The following KPNA5 variants were observed in gnomAD, a reference collection of about 807,000 sequenced individuals.
KPNA5 encodes importin subunit alpha-6.
In KPNA5, 46 loss-of-function variants were observed where a neutral mutation model predicts 71.3. That is an observed-to-expected ratio of 0.65 (90% CI 0.51 to 0.83). KPNA5 has a LOEUF of 0.83. Among genes scored for constraint, KPNA5 ranks in the 40% least tolerant of loss-of-function variants. The pLI, the probability that KPNA5 is intolerant of heterozygous loss-of-function variation, is 0.00. For synonymous variants in KPNA5, 207 were observed against 201.4 expected (o/e 1.03, Z -0.24); for missense variants, 547 against 628.3 (o/e 0.87, Z 1.38).
intron 13 of KPNA5, 90 bp downstream of exon 13, chr6:116,729,831 A>T (rs1779419892): frequency 2.6e-6 from 2 of 782,520 alleles, no homozygotes; most frequent in Non-Finnish European, 3.7e-6. Flanking sequence ...TTTTTGTTGT[A>T]AAAGCAGTAT....
intron 7 of KPNA5, among the ~76,000 whole-genome samples, chr6:116,711,506 T>C (rs1413142786): frequency 6.6e-6 from 1 of 151,300 alleles, no homozygotes; most frequent in African/African-American, 2.4e-5. Context: ...GGTGTGTTTT[T>C]TTTTTTATTT....
intron 7 of KPNA5, among the ~76,000 whole-genome samples, chr6:116,713,734 T>A (rs1035634000): frequency 6.6e-6 from 1 of 152,194 alleles, no homozygotes; most frequent in Non-Finnish European, 1.5e-5. Context: ...TTCTTTTTCT[T>A]TCTGCTTCTC....
intron 10 of KPNA5, among the ~76,000 whole-genome samples, chr6:116,724,972 T>C (rs1439496317): frequency 6.6e-6 from 1 of 152,216 alleles, no homozygotes; most frequent in East Asian, 1.9e-4. Context: ...CTCCTTTGTT[T>C]ACCGCCTTAC....
intron 13 of KPNA5, among the ~76,000 whole-genome samples, 172 bp from the exon 14 acceptor site, chr6:116,731,964 C>T (rs918926228): frequency 2.7e-5 from 4 of 150,646 alleles, no homozygotes; most frequent in Non-Finnish European, 5.9e-5. Flanking sequence ...TGATGGCTAT[C>T]GGTATGTGCA....
chr6:116,722,877 G>A (rs112631466), intron 9 of KPNA5, among the ~76,000 whole-genome samples: 68 of 152,294 alleles, frequency 4.5e-4, no homozygotes, highest in African/African-American at 1.5e-3. Flanking sequence ...TTTAAAAAAT[G>A]TATTATCTTC....
chr6:116,703,280 G>A (rs1049100825), intron 6 of KPNA5, among the ~76,000 whole-genome samples: 1 of 120,338 alleles, frequency 8.3e-6, no homozygotes, highest in African/African-American at 3.1e-5. Flanking sequence ...TTTTTTTTTT[G>A]AGATGAAGTC....
intron 4 of KPNA5, among the ~76,000 whole-genome samples, chr6:116,694,076 G>A (rs1399169114): frequency 6.6e-6 from 1 of 152,064 alleles, no homozygotes; most frequent in African/African-American, 2.4e-5. Context: ...TGAGGGCTCT[G>A]TTCTGTTCCA....
At chr6:116,710,873 T>TATATATATATATATATATA (rs1554256692) in intron 7 of KPNA5, among the ~76,000 whole-genome samples, 2 of 84,882 alleles carry the variant, frequency 2.4e-5, no homozygotes, top group Non-Finnish European at 4.5e-5. Context: ...TAATATTATT[T>TATATATATATATATATATA]TATATATATA....
intron 6 of KPNA5, among the ~76,000 whole-genome samples, chr6:116,704,538 A>G (rs1583419934): frequency 6.6e-6 from 1 of 152,246 alleles, no homozygotes; most frequent in Admixed American, 6.5e-5. Context: ...GTAAATTCAT[A>G]GTAAACTATG....
Position 116,702,556 on chromosome 6 carries a change from C to T in KPNA5, c.567+406C>T, listed in dbSNP as rs988846226. 1.5e-3 allele frequency among the ~76,000 whole-genome samples: 228 copies of T among 152,194 alleles called. 1 individual carries two copies. The highest frequency in any genetic ancestry group is 4.1e-4 in the Non-Finnish European group (28 of 68,018). ...AAATTAGCCAGGCGTGGTGCCACAG[C>T]TCCTCAAGAAGCTGAGGCACAAGAA... On this transcript the variant is annotated intron_variant, in intron 6 of 13. Transcript: ENST00000368564.
intron 6 of KPNA5, among the ~76,000 whole-genome samples, 184 bp downstream of exon 6, chr6:116,702,334 G>T (rs1422350682): frequency 6.6e-6 from 1 of 152,102 alleles, no homozygotes; most frequent in Non-Finnish European, 1.5e-5. Context: ...ATAATCCTGG[G>T]TTCTCTGTGA....
At chr6:116,690,075 C>CTATTCTCTTCTATTG (rs1490512916) in intron 2 of KPNA5, among the ~76,000 whole-genome samples, 1 of 107,496 alleles carries the variant, frequency 9.3e-6, no homozygotes, top group Non-Finnish European at 1.8e-5. Context: ...TAGAAAAGGC[C>CTATTCTCTTCTATTG]TATTCTCTTC....
Position 116,729,656 on chromosome 6 carries a change from A to G in KPNA5, c.1347A>G (p.Glu449=). The change falls in exon 13 of 14, where the codon GAA becomes GAG. Residue 449 remains glutamate, a synonymous_variant. Coordinates refer to ENST00000368564, the MANE Select transcript of KPNA5 (RefSeq NM_001366306.2). ...TCCAAGTGGCTTTAAATGGACTTGA[A>G]AATATTTTACGTCTTGGAGAACAAG... ...KIVQVALNGL[E]NILRLGEQES... The G allele has an allele frequency of 6.2e-7, 1 of 1,611,026 alleles. No homozygotes were observed. The highest frequency in any genetic ancestry group is 8.5e-7 in the Non-Finnish European group (1 of 1,178,372).
chr6:116,715,732 A>G (rs1283127393), intron 7 of KPNA5, among the ~76,000 whole-genome samples: 1 of 152,092 alleles, frequency 6.6e-6, no homozygotes, highest in African/African-American at 2.4e-5. Context: ...CCTGGCCAAG[A>G]TGGTGAAACC....
intron 6 of KPNA5, among the ~76,000 whole-genome samples, chr6:116,703,555 G>A (rs751336488): frequency 7.9e-5 from 12 of 152,112 alleles, no homozygotes; most frequent in East Asian, 1.9e-4. Flanking sequence ...GAGCCACCGC[G>A]CCCGGCCAAA....
rs1369617873 is a variant in KPNA5 at position 116,733,543 on chromosome 6, C to T, written c.*1220C>T. The T allele has an allele frequency of 6.6e-6, 1 of 151,202 alleles. No homozygotes were observed. Among genetic ancestry groups the T allele is most frequent in the Non-Finnish European group, 1.5e-5 (1 of 67,584 alleles). 9.4% of individuals were successfully genotyped at this position (151,202 alleles called of 1,614,324 possible). ...ATGTTTTATGATTTAACAGCAAAAA[C>T]CTCTTCAAACGGAAAATTTGAAAGA... On this transcript the variant is annotated 3_prime_UTR_variant, in exon 14 of 14. Transcript: ENST00000368564.
chr6:116,692,489 T>G, intron 4 of KPNA5, 97 bp downstream of exon 4: 1 of 751,456 alleles, frequency 1.3e-6, no homozygotes, highest in African/African-American at 1.8e-5. Flanking sequence ...TACCTTTCTT[T>G]GCTAGACACA....
chr6:116,681,618 C>A (rs532615674), intron 1 of KPNA5: 2 of 1,019,458 alleles, frequency 2.0e-6, no homozygotes, highest in African/African-American at 1.7e-5. Context: ...TTCGCCGCCC[C>A]GCCTCACCGT....
intron 1 of KPNA5, among the ~76,000 whole-genome samples, chr6:116,686,479 ATT>A (rs1464750184): frequency 6.6e-6 from 1 of 152,046 alleles, no homozygotes; most frequent in Non-Finnish European, 1.5e-5. Flanking sequence ...GTTTGCAACA[ATT>A]TTCTCCCATT....
Sources: allele counts gnomAD v4.1 joint callset (sites outside exome capture counted in the v4.1 genomes callset), GRCh38; gene constraint gnomAD v4.1.1; transcripts MANE v1.5; gene names NCBI Gene and HGNC (gene_info 2026-07-23, HGNC 2026-07-21).